NAA16: variants seen among roughly 807,000 people sequenced by gnomAD.
The protein encoded by NAA16 is NARG1-like protein.
A neutral mutation model predicts 110.3 loss-of-function variants in NAA16; 97 were observed. That is an observed-to-expected ratio of 0.88 (90% CI 0.75 to 1.04). The LOEUF is 1.04. NAA16 is among the 50% of genes least tolerant of loss of function. NAA16 has a pLI of 0.00. For synonymous variants in NAA16, 372 were observed against 330.6 expected (o/e 1.13, Z -1.36); for missense variants, 1,017 against 1,005.1 (o/e 1.01, Z -0.16).
Position 41,328,712 on chromosome 13 carries a change from AC to A in NAA16, c.692-11del, listed in dbSNP as rs750641189. Reference sequence around the variant, plus strand: ...ATGTTTAAAATGAATATGTCTTTAAACTTAATTTCAGGGGAAATACTGTTGA... The same window carrying A: ...ATGTTTAAAATGAATATGTCTTTAAATTAATTTCAGGGGAAATACTGTTGA... On this transcript the variant is annotated splice_polypyrimidine_tract_variant and intron_variant, in intron 6 of 19. Transcript: ENST00000379406. The A allele has an allele frequency of 2.5e-6, 4 of 1,597,186 alleles. No individual in the cohort carries two copies. The South Asian group carries it at 4.5e-5, about 18-fold the overall frequency.
intron 9 of NAA16, among the ~76,000 whole-genome samples, chr13:41,349,912 G>A: frequency 6.7e-6 from 1 of 150,360 alleles, no homozygotes; most frequent in South Asian, 2.1e-4. Context: ...AGTGAGCTGA[G>A]ATCGCACCAT....
chr13:41,373,607 CAAAA>C lies in NAA16; in HGVS notation c.2156-27_2156-24del, dbSNP rs1566305773. ...TTTTTTTCAAAGGACAGATCAAAAA[CAAAA>C]AATCCAAATGTTTTTGTTTTTATAG... On this transcript the variant is annotated intron_variant, in intron 17 of 19. Coordinates refer to ENST00000379406, the MANE Select transcript of NAA16 (RefSeq NM_024561.5). 4.0e-6 allele frequency: 6 copies of C among 1,506,356 alleles called. 1 individual carries two copies. The highest frequency in any genetic ancestry group is 2.3e-5 in the Admixed American group (1 of 42,976). The allele number at this position is 1,506,356 out of a possible 1,614,324, so 93.3% of individuals were successfully genotyped here.
chr13:41,328,634 C>T, intron 6 of NAA16, 90 bp from the exon 7 acceptor site: 1 of 1,068,948 alleles, frequency 9.4e-7, no homozygotes, highest in Admixed American at 2.3e-5. Context: ...TCTTTTTAAC[C>T]ATCTGTTCAC....
intron 10 of NAA16, 65 bp downstream of exon 10, chr13:41,355,281 CT>C: frequency 9.9e-7 from 1 of 1,011,442 alleles, no homozygotes. Flanking sequence ...CAGTAATGCT[CT>C]TTTATGTATA....
At chr13:41,347,118 A>C (rs746782569) in intron 9 of NAA16, among the ~76,000 whole-genome samples, 1 of 151,344 alleles carries the variant, frequency 6.6e-6, no homozygotes, top group Non-Finnish European at 1.5e-5. Flanking sequence ...CGGGAGGCTG[A>C]GGCAGGAGAA....
intron 11 of NAA16, 56 bp downstream of exon 11, chr13:41,358,529 C>T (rs577619679): frequency 1.6e-5 from 25 of 1,593,448 alleles, no homozygotes; most frequent in African/African-American, 5.4e-5. Flanking sequence ...CTTTAAGAAT[C>T]CTTGGAGTTT....
rs912069314 is a variant in NAA16 at position 41,373,877 on chromosome 13, G to A, written c.2299+97G>A. On this transcript the variant is annotated intron_variant, in intron 18 of 19. Transcript: ENST00000379406. Reference sequence around the variant, plus strand: ...AAATGTAAAGCAAATGAACAGTACTGTGTGTAAGTATGGGGAGAGAAATGT... The same window carrying A: ...AAATGTAAAGCAAATGAACAGTACTATGTGTAAGTATGGGGAGAGAAATGT... 5.5e-6 allele frequency: 8 copies of A among 1,444,082 alleles called. No individual in the cohort carries two copies. The African/African-American group carries it at 1.2e-4, about 21-fold the overall frequency. 89.5% of individuals were successfully genotyped at this position (1,444,082 alleles called of 1,614,324 possible). A position where few individuals can be genotyped will look rare whatever the true frequency, so the allele number is the denominator to read the frequency against.
At position 41,375,805 on chromosome 13, in the gene NAA16, A is replaced by G; in HGVS notation, c.*203A>G. ...TAAAATTACCTGTTTATTCTTACAC[A>G]GTTTTGTGGTAGCTCCGATCGCTTC... On this transcript the variant is annotated 3_prime_UTR_variant, in exon 20 of 20. Transcript: ENST00000379406. 2 of 462,966 alleles carry G rather than the reference A, an allele frequency of 4.3e-6. No individual in the cohort carries two copies. The allele number at this position is 462,966 out of a possible 1,614,324, so 28.7% of individuals were successfully genotyped here.
At chr13:41,315,826 G>T (rs1228652944) in intron 1 of NAA16, among the ~76,000 whole-genome samples, 1 of 152,078 alleles carries the variant, frequency 6.6e-6, no homozygotes, top group Non-Finnish European at 1.5e-5. Context: ...GCTGAGTGCA[G>T]TGGCACAGTC....
In NAA16 at chr13:41,358,388, C is replaced by T. The variant is rs1481159367; in HGVS notation, c.1172C>T (p.Ser391Phe). ...CACTTTGATAAACTTGGACAGTATT[C>T]TTTGGCTTTGGATTATATTAATGCT... ...AQHFDKLGQY[S>F]LALDYINAAI... The change falls in exon 11 of 20, where the codon TCT becomes TTT. Residue 391 changes from serine (S) to phenylalanine (F), a missense_variant. By Grantham distance (155) the Ser-to-Phe change is radical (BLOSUM62 -2). Transcript: ENST00000379406. The T allele has an allele frequency of 5.6e-6, 9 of 1,613,502 alleles. No homozygotes were observed. Among genetic ancestry groups the T allele is most frequent in the Non-Finnish European group, 7.6e-6 (9 of 1,179,616 alleles).
intron 8 of NAA16, among the ~76,000 whole-genome samples, chr13:41,334,752 A>G: frequency 6.6e-6 from 1 of 152,318 alleles, no homozygotes; most frequent in South Asian, 2.1e-4. Context: ...TTAGGTAAAA[A>G]GAGTTTATAA....
intron 10 of NAA16, among the ~76,000 whole-genome samples, chr13:41,356,154 T>C (rs1412717518): frequency 1.3e-5 from 2 of 152,094 alleles, no homozygotes; most frequent in African/African-American, 4.8e-5. Flanking sequence ...TGATTTTGTG[T>C]GCGTGTGTGT....
At chr13:41,326,857 A>C (rs1460983263) in intron 6 of NAA16, among the ~76,000 whole-genome samples, 1 of 152,136 alleles carries the variant, frequency 6.6e-6, no homozygotes, top group Non-Finnish European at 1.5e-5. Context: ...GTATAATGAC[A>C]TGTATTCACC....
chr13:41,346,484 G>C (rs1182696578), intron 9 of NAA16, among the ~76,000 whole-genome samples: 1 of 152,208 alleles, frequency 6.6e-6, no homozygotes, highest in African/African-American at 2.4e-5. Flanking sequence ...ATGCCATGCT[G>C]GGCCACTTGG....
At chr13:41,339,136 G>C (rs1452163425) in intron 9 of NAA16, among the ~76,000 whole-genome samples, 1 of 150,148 alleles carries the variant, frequency 6.7e-6, no homozygotes, top group African/African-American at 2.5e-5. Context: ...GTTGTTGTTT[G>C]TTTGTTTGTT....
chr13:41,321,130 G>A (rs74922337), intron 4 of NAA16, among the ~76,000 whole-genome samples: 3 of 151,924 alleles, frequency 2.0e-5, no homozygotes, highest in Admixed American at 6.6e-5. Context: ...GCCAGACTCC[G>A]TCTCTACAAA....
chr13:41,369,481 G>T (rs1249670706), intron 15 of NAA16, among the ~76,000 whole-genome samples, 198 bp downstream of exon 15: 1 of 152,158 alleles, frequency 6.6e-6, no homozygotes, highest in Non-Finnish European at 1.5e-5. Context: ...TTGCAATTGT[G>T]GTAGGCAGAG....
rs554442363 is a variant in NAA16, at chr13:41,352,783, T to TC, written c.1015-2356dup. On this transcript the variant is annotated intron_variant, in intron 9 of 19. Transcript: ENST00000379406. ...CCTATGAATTTTCCATTACCTTTTT[T>TC]CCCCCGTAATCAGATCTTGTTTTGA... Among the ~76,000 whole-genome samples the TC allele has an allele frequency of 3.9e-5, 6 of 152,286 alleles. No individual in the cohort carries two copies. The South Asian group carries it at 1.2e-3, about 32-fold the overall frequency.
At chr13:41,369,432 C>A in intron 15 of NAA16, 149 bp downstream of exon 15, 1 of 858,856 alleles carries the variant, frequency 1.2e-6, no homozygotes, top group South Asian at 2.6e-5. Flanking sequence ...CTTTGAGTGA[C>A]AGTATACAAA....
Sources: allele counts gnomAD v4.1 joint callset (sites outside exome capture counted in the v4.1 genomes callset), GRCh38; gene constraint gnomAD v4.1.1; transcripts MANE v1.5; gene names NCBI Gene and HGNC (gene_info 2026-07-23, HGNC 2026-07-21).